The following SLC35F3 variants were observed in gnomAD, a reference collection of about 807,000 sequenced individuals.
SLC35F3 encodes solute carrier family 35 member F3.
A neutral mutation model predicts 49.9 loss-of-function variants in SLC35F3; 25 were observed. That is an observed-to-expected ratio of 0.50 (90% CI 0.37 to 0.70). The LOEUF is 0.70. Among genes scored for constraint, SLC35F3 ranks in the 30% least tolerant of loss-of-function variants. The probability of loss-of-function intolerance (pLI) is 0.00; values close to 1 mark genes in which losing one functional copy is unlikely to be tolerated. For synonymous variants in SLC35F3, 275 were observed against 265.4 expected, an observed-to-expected ratio of 1.04 and a Z score of -0.35; for missense variants, 525 against 639.8, an observed-to-expected ratio of 0.82 and a Z score of 1.94.
intron 2 of SLC35F3, among the ~76,000 whole-genome samples, chr1:234,224,478 C>A (rs1251065873): frequency 6.6e-6 from 1 of 152,238 alleles, no homozygotes; most frequent in East Asian, 1.9e-4. Context: ...GTCCATAACA[C>A]CCTCTTTCCA....
intron 2 of SLC35F3, among the ~76,000 whole-genome samples, chr1:234,051,587 A>G (rs867460603): frequency 7.2e-5 from 11 of 152,322 alleles, no homozygotes; most frequent in Middle Eastern, 3.4e-3. Flanking sequence ...ATCTGCAAAC[A>G]GAGACAATTT....
At chr1:234,068,285 A>T (rs913426211) in intron 2 of SLC35F3, among the ~76,000 whole-genome samples, 2 of 152,094 alleles carry the variant, frequency 1.3e-5, no homozygotes, top group African/African-American at 4.8e-5. Context: ...TAGTGAATGC[A>T]CTCTGTCCCT....
chr1:234,053,405 C>T (rs1166772105), intron 2 of SLC35F3, among the ~76,000 whole-genome samples: 1 of 152,070 alleles, frequency 6.6e-6, no homozygotes, highest in Non-Finnish European at 1.5e-5. Context: ...TTCTTTGTGT[C>T]TTTTGAGCTT....
At chr1:233,920,360 T>G (rs1662039178) in intron 2 of SLC35F3, among the ~76,000 whole-genome samples, 1 of 152,112 alleles carries the variant, frequency 6.6e-6, no homozygotes, top group Non-Finnish European at 1.5e-5. Flanking sequence ...AGAGTGGAGT[T>G]TGAATTTCAA....
chr1:234,123,840 C>G (rs950911819), intron 2 of SLC35F3, among the ~76,000 whole-genome samples: 4 of 152,180 alleles, frequency 2.6e-5, no homozygotes, highest in Non-Finnish European at 4.4e-5. Context: ...GCCTGCAGCT[C>G]TGGGGACAAA....
chr1:234,088,017 A>T (rs755749433), intron 2 of SLC35F3, among the ~76,000 whole-genome samples: 3 of 152,064 alleles, frequency 2.0e-5, no homozygotes, highest in Non-Finnish European at 4.4e-5. Context: ...ATATTCTTCT[A>T]TATTTACTTC....
At chr1:234,079,773 C>T (rs987817177) in intron 2 of SLC35F3, among the ~76,000 whole-genome samples, 7 of 151,994 alleles carry the variant, frequency 4.6e-5, no homozygotes, top group Admixed American at 6.5e-5. Context: ...GAAATATTAA[C>T]GAGGATATAG....
At chr1:233,947,603 A>G (rs1237011420) in intron 2 of SLC35F3, among the ~76,000 whole-genome samples, 1 of 151,536 alleles carries the variant, frequency 6.6e-6, no homozygotes, top group Non-Finnish European at 1.5e-5. Context: ...AGGCTAGATA[A>G]TTAGGAAAAA....
rs1667377072 is a variant in SLC35F3 at position 234,231,591 on chromosome 1, C to T, written c.458C>T (p.Thr153Met). The change falls in exon 3 of 8, where the codon ACG (threonine) becomes ATG (methionine). Residue 153 changes from threonine (T) to methionine (M), a missense_variant. Thr to Met is a moderately conservative substitution (Grantham distance 81, BLOSUM62 -1). This residue lies in a region of SLC35F3 where 216 missense variants were observed against 298.1 expected (regional missense o/e 0.72). Coordinates refer to ENST00000366618, the MANE Select transcript of SLC35F3 (RefSeq NM_173508.4). This position sits in a 1 kb window ranked among gnomAD's most constrained non-coding sequence, Gnocchi z 5.4. ...LCVCSSWAGSTQLAKLTFRKF... is the reference protein window; with the variant it reads ...LCVCSSWAGSMQLAKLTFRKF... ...GTGTGCTCCTCGTGGGCGGGCTCCA[C>T]GCAGCTCGCCAAGCTGACCTTCAGG... The T allele has an allele frequency of 6.2e-7, 1 of 1,614,228 alleles. No individual in the cohort carries two copies. Among genetic ancestry groups the T allele is most frequent in the East Asian group, 2.2e-5 (1 of 44,880 alleles).
intron 2 of SLC35F3, among the ~76,000 whole-genome samples, chr1:234,119,958 A>G (rs1366258802): frequency 2.6e-5 from 4 of 152,218 alleles, no homozygotes; most frequent in Non-Finnish European, 5.9e-5. Context: ...CTGAACTGAG[A>G]AGGCCTTGCC....
chr1:233,983,675 G>A (rs1019729689), intron 2 of SLC35F3, among the ~76,000 whole-genome samples: 1 of 152,016 alleles, frequency 6.6e-6, no homozygotes, highest in African/African-American at 2.4e-5. Flanking sequence ...TAGCTCCTTT[G>A]GAAACCACTT....
intron 2 of SLC35F3, among the ~76,000 whole-genome samples, chr1:233,947,542 G>A (rs1033271361): frequency 1.3e-5 from 2 of 151,506 alleles, no homozygotes; most frequent in African/African-American, 4.9e-5. Flanking sequence ...ATTGAGGTCA[G>A]CGTCTTCTCA....
chr1:234,091,155 C>T (rs1235133116), intron 2 of SLC35F3, among the ~76,000 whole-genome samples: 2 of 152,192 alleles, frequency 1.3e-5, no homozygotes, highest in Admixed American at 6.5e-5. Context: ...TCATTCATTC[C>T]CACTAACCGA....
intron 3 of SLC35F3, among the ~76,000 whole-genome samples, chr1:234,277,130 C>A (rs1481256271): frequency 6.6e-6 from 1 of 152,206 alleles, no homozygotes; most frequent in African/African-American, 2.4e-5. Flanking sequence ...TCATCCCAGC[C>A]CTTGGCTCTT....
intron 2 of SLC35F3, among the ~76,000 whole-genome samples, chr1:234,088,825 G>A (rs1298439442): frequency 1.3e-5 from 2 of 152,016 alleles, no homozygotes; most frequent in South Asian, 2.1e-4. Flanking sequence ...TCAGTGGCAC[G>A]ATCTTGGCTT....
intron 3 of SLC35F3, among the ~76,000 whole-genome samples, chr1:234,245,953 AC>A: frequency 6.6e-6 from 1 of 152,260 alleles, no homozygotes; most frequent in South Asian, 2.1e-4. Context: ...CAAGGCAGTT[AC>A]GAGCCTGCCC....
chr1:233,940,090 C>A (rs980709231), intron 2 of SLC35F3, among the ~76,000 whole-genome samples: 1 of 152,146 alleles, frequency 6.6e-6, no homozygotes, highest in Non-Finnish European at 1.5e-5. Context: ...CACACTCAGT[C>A]ACATACATTC....
intron 2 of SLC35F3, among the ~76,000 whole-genome samples, chr1:234,154,224 C>G (rs1235286367): frequency 6.6e-6 from 1 of 152,056 alleles, no homozygotes; most frequent in Non-Finnish European, 1.5e-5. Context: ...GCACTCCAGC[C>G]GGAGCGATAG....
chr1:234,070,843 T>C (rs1664703000), intron 2 of SLC35F3, among the ~76,000 whole-genome samples: 1 of 152,216 alleles, frequency 6.6e-6, no homozygotes, highest in Non-Finnish European at 1.5e-5. Context: ...GATGGCCTCC[T>C]TAAAATAAAT....
Sources: allele counts gnomAD v4.1 joint callset (sites outside exome capture counted in the v4.1 genomes callset), GRCh38; gene constraint gnomAD v4.1.1; regional missense constraint gnomAD v4.1.1; non-coding constraint Gnocchi (gnomAD v3.1); transcripts MANE v1.5; gene names NCBI Gene and HGNC (gene_info 2026-07-23, HGNC 2026-07-21).